The following ZNF596 variants were observed in gnomAD, a reference collection of about 807,000 sequenced individuals.
ZNF596 encodes zinc finger protein 596.
In ZNF596, 45 loss-of-function variants were observed where a neutral mutation model predicts 48.3. The ratio of observed to expected loss-of-function variants is 0.93; its 90% CI spans 0.73 to 1.19. The LOEUF (loss-of-function observed/expected upper bound fraction) is 1.19. Among genes scored for constraint, ZNF596 ranks in the 50% most tolerant of loss-of-function variants. ZNF596 has a pLI of 0.00. For synonymous variants in ZNF596, 270 were observed against 202.0 expected, an observed-to-expected ratio of 1.34 and a Z score of -2.85; for missense variants, 848 against 599.7, an observed-to-expected ratio of 1.41 and a Z score of -4.32.
At chr8:234,284 ATG>A (rs1796539557) in intron 1 of ZNF596, 1 of 152,230 alleles carries the variant, frequency 6.6e-6, no homozygotes, top group Non-Finnish European at 1.5e-5. Context: ...CCATGTAAGG[ATG>A]TGTGTGGACT....
At chr8:242,522 C>T (rs537658263) in intron 2 of ZNF596, among the ~76,000 whole-genome samples, 3 of 152,252 alleles carry the variant, frequency 2.0e-5, no homozygotes, top group South Asian at 2.1e-4. Context: ...GATGCTGCCT[C>T]CCTTGTAGTG....
intron 1 of ZNF596, chr8:233,043 T>A (rs1240381465): frequency 2.1e-6 from 1 of 467,712 alleles, no homozygotes; most frequent in Non-Finnish European, 4.4e-6. Flanking sequence ...TCGCTGTGGA[T>A]GTCGAGGTGG....
chr8:235,344 C>T (rs1470410872), intron 1 of ZNF596, among the ~76,000 whole-genome samples: 3 of 152,074 alleles, frequency 2.0e-5, no homozygotes, highest in East Asian at 1.9e-4. Context: ...GGGGTTTGAT[C>T]GCAGAGTAAA....
chr8:233,943 T>C lies in ZNF596; in HGVS notation c.-73+1249T>C, dbSNP rs118114164. Reference sequence around the variant, plus strand: ...CATGCCATTCCTGTGAAGCTGGTGCTTGTTACTCTCTACTGGCTTCTGTTC... The same window carrying C: ...CATGCCATTCCTGTGAAGCTGGTGCCTGTTACTCTCTACTGGCTTCTGTTC... On this transcript the variant is annotated intron_variant, in intron 1 of 5. Coordinates refer to ENST00000398612, the MANE Select transcript of ZNF596 (RefSeq NM_001042416.3). 3.0e-4 allele frequency among the ~76,000 whole-genome samples: 46 copies of C among 152,326 alleles called. 1 individual carries two copies. The East Asian group carries it at 8.7e-3, about 29-fold the overall frequency.
At position 232,526 on chromosome 8, in the gene ZNF596, C is replaced by G. The variant is rs1223838234; in HGVS notation, c.-241C>G. Reference sequence around the variant, plus strand: ...CCGCGGATGTCACAGGCTCGGCAACCGCCCTCCTGTCGGCGGGGAGTCCCG... The same window carrying G: ...CCGCGGATGTCACAGGCTCGGCAACGGCCCTCCTGTCGGCGGGGAGTCCCG... On this transcript the variant is annotated 5_prime_UTR_variant, in exon 1 of 6. Transcript: ENST00000398612. 1 of 313,300 alleles carries G rather than the reference C, an allele frequency of 3.2e-6. No homozygotes were observed. The highest frequency in any genetic ancestry group is 6.5e-6 in the Non-Finnish European group (1 of 152,860). 19.4% of individuals were successfully genotyped at this position (313,300 alleles called of 1,614,324 possible). A position where few individuals can be genotyped will look rare whatever the true frequency, so the allele number is the denominator to read the frequency against.
In ZNF596 at chr8:243,023, T is replaced by A. The variant is rs1387252085; in HGVS notation, c.139+10T>A. On this transcript the variant is annotated intron_variant, in intron 3 of 5. Coordinates refer to ENST00000398612, the MANE Select transcript of ZNF596 (RefSeq NM_001042416.3). Reference sequence around the variant, plus strand: ...CATCTGGTCTCTATTGGTGAGTCTCTTTATATTTATTATGTATGTATATAC... The same window carrying A: ...CATCTGGTCTCTATTGGTGAGTCTCATTATATTTATTATGTATGTATATAC... 2.5e-6 allele frequency: 4 copies of A among 1,604,910 alleles called. No individual in the cohort carries two copies. Among genetic ancestry groups the A allele is most frequent in the South Asian group, 1.1e-5 (1 of 90,300 alleles).
chr8:234,533 T>C (rs1186952210), intron 1 of ZNF596: 1 of 152,234 alleles, frequency 6.6e-6, no homozygotes, highest in African/African-American at 2.4e-5. Flanking sequence ...AAGAAGGATC[T>C]TCCCTAAGAA....
intron 1 of ZNF596, among the ~76,000 whole-genome samples, chr8:240,148 G>A (rs960040277): frequency 8.5e-5 from 13 of 152,300 alleles, no homozygotes; most frequent in Admixed American, 7.8e-4. Flanking sequence ...AAGTTTTCAT[G>A]TTCTTAGTGT....
At chr8:241,445 T>A (rs550601830) in intron 2 of ZNF596, among the ~76,000 whole-genome samples, 2 of 152,298 alleles carry the variant, frequency 1.3e-5, no homozygotes, top group South Asian at 2.1e-4. Flanking sequence ...AAAATCTTAA[T>A]GTCTTGAGAG....
At chr8:238,226 G>C (rs535436376) in intron 1 of ZNF596, among the ~76,000 whole-genome samples, 16 of 152,226 alleles carry the variant, frequency 1.1e-4, no homozygotes, top group African/African-American at 3.4e-4. Flanking sequence ...TTGTGTGGAG[G>C]TTTATGGTGG....
chr8:232,814 CCTCCGCCAGGCCCTACGT>C, intron 1 of ZNF596, 120 bp downstream of exon 1: 1 of 433,760 alleles, frequency 2.3e-6, no homozygotes, highest in Non-Finnish European at 4.8e-6. Context: ...CCCATCCTTC[CCTCCGCCAGGCCCTACGT>C]CTCCGCAAAC....
At chr8:242,194 A>G (rs934302895) in intron 2 of ZNF596, among the ~76,000 whole-genome samples, 1 of 152,194 alleles carries the variant, frequency 6.6e-6, no homozygotes, top group Admixed American at 6.5e-5. Flanking sequence ...CTGAAGTCTT[A>G]GAGTCCCTGG....
Position 245,228 on chromosome 8 carries a change from T to C in ZNF596, c.381T>C (p.Thr127=). Residue 127 remains threonine, a synonymous_variant, in exon 6 of 6, where the codon ACT becomes ACC. Transcript: ENST00000398612. ...GEDFTQHIAL[T]QNVITYMRTK... Reference sequence around the variant, plus strand: ...ATTTCACTCAACATATAGCATTGACTCAAAATGTGATTACCTACATGAGAA... The same window carrying C: ...ATTTCACTCAACATATAGCATTGACCCAAAATGTGATTACCTACATGAGAA... 4 of 1,613,966 alleles carry C rather than the reference T, an allele frequency of 2.5e-6. No individual in the cohort carries two copies. The highest frequency in any genetic ancestry group is 3.4e-6 in the Non-Finnish European group (4 of 1,179,962).
In ZNF596 at chr8:246,011, G is replaced by A. The variant is rs758241317; in HGVS notation, c.1164G>A (p.Glu388=). The A allele has an allele frequency of 6.2e-7, 1 of 1,613,516 alleles. No individual in the cohort carries two copies. Among genetic ancestry groups the A allele is most frequent in the South Asian group, 1.1e-5 (1 of 91,032 alleles). The change falls in exon 6 of 6, where the codon GAG becomes GAA. Residue 388 remains glutamate, a synonymous_variant. Coordinates refer to ENST00000398612, the MANE Select transcript of ZNF596 (RefSeq NM_001042416.3). ...LKRHERIHTG[E]KPYECHVCGK... ...GACATGAGAGAATTCACACTGGAGAGAAACCATATGAGTGCCATGTATGTG... is the reference window on the plus strand; with the variant it reads ...GACATGAGAGAATTCACACTGGAGAAAAACCATATGAGTGCCATGTATGTG...
intron 1 of ZNF596, 43 bp downstream of exon 1, chr8:232,737 T>C (rs1038538198): frequency 1.5e-5 from 6 of 407,378 alleles, no homozygotes; most frequent in Non-Finnish European, 3.0e-5. Flanking sequence ...GTCCCCACCC[T>C]CGCCCCTCTT....
intron 1 of ZNF596, chr8:240,154 AG>A (rs1397682372): frequency 6.6e-6 from 1 of 152,226 alleles, no homozygotes; most frequent in Non-Finnish European, 1.5e-5. Context: ...TCATGTTCTT[AG>A]TGTCCTTTCA....
chr8:243,495 G>A (rs1796935880), intron 3 of ZNF596: 1 of 431,256 alleles, frequency 2.3e-6, no homozygotes, highest in African/African-American at 2.0e-5. Context: ...ATCAGTATTT[G>A]AAGTGAGGCA....
intron 2 of ZNF596, among the ~76,000 whole-genome samples, chr8:242,034 C>G (rs1338319081): frequency 6.6e-6 from 1 of 152,280 alleles, no homozygotes; most frequent in East Asian, 1.9e-4. Context: ...CGGACCCCTC[C>G]CCCAACATGT....
chr8:240,714 C>A, intron 1 of ZNF596, 110 bp from the exon 2 acceptor site: 2 of 672,494 alleles, frequency 3.0e-6, no homozygotes, highest in Non-Finnish European at 5.3e-6. Flanking sequence ...CCACCCCCTA[C>A]CCACTGCATG....
Sources: gnomAD v4.1 joint callset for allele counts (sites outside exome capture counted in the v4.1 genomes callset) on GRCh38, gnomAD v4.1.1 for gene constraint, MANE v1.5 for transcripts, NCBI Gene and HGNC (gene_info 2026-07-23, HGNC 2026-07-21) for gene names.